The following NCAPD3 variants were observed in gnomAD, a reference collection of about 807,000 sequenced individuals.
NCAPD3 encodes the protein non-SMC condensin II complex subunit D3, also known as condensin-2 complex subunit D3.
Under a neutral mutation model 182.9 loss-of-function variants are expected in NCAPD3, and 105 were observed. The observed-to-expected ratio is 0.57, with a 90% confidence interval of 0.49 to 0.68. The LOEUF is 0.68. Ranked by LOEUF, NCAPD3 falls within the 30% of genes least tolerant of loss-of-function variation. The probability of loss-of-function intolerance (pLI) is 0.00; values close to 1 mark genes in which losing one functional copy is unlikely to be tolerated. For synonymous variants in NCAPD3, 815 were observed against 679.9 expected (o/e 1.20, Z -3.09); for missense variants, 1,944 against 1,837.0 (o/e 1.06, Z -1.07).
Position 134,168,865 on chromosome 11 carries a change from C to T in NCAPD3, c.3239+52G>A, listed in dbSNP as rs966559264. ...GCAAAGAGCCTAACCTCCCCTGATT[C>T]CCCCAGCTCTTACCCAGATACAAGG... On this transcript the variant is annotated intron_variant, in intron 25 of 34. Coordinates refer to ENST00000534548, the MANE Select transcript of NCAPD3 (RefSeq NM_015261.3). 43 of 1,573,042 alleles carry T rather than the reference C, an allele frequency of 2.7e-5. No homozygotes were observed. In the African/African-American group the frequency reaches 5.5e-4, roughly 20 times the overall value.
chr11:134,223,773 C>A, intron 1 of NCAPD3, 90 bp downstream of exon 1: 1 of 1,484,718 alleles, frequency 6.7e-7, no homozygotes, highest in Non-Finnish European at 9.2e-7. Flanking sequence ...CACCCCGCCC[C>A]CACCGGCACC....
intron 24 of NCAPD3, among the ~76,000 whole-genome samples, chr11:134,172,110 A>T (rs1247092843): frequency 6.6e-6 from 1 of 152,114 alleles, no homozygotes; most frequent in Non-Finnish European, 1.5e-5. Context: ...AAGTGCGGAG[A>T]GTGTGGGCTG....
At chr11:134,194,245 G>GTT (rs751821169) in intron 14 of NCAPD3, 95 bp from the exon 15 acceptor site, 192 of 1,334,048 alleles carry the variant, frequency 1.4e-4, no homozygotes, top group Non-Finnish European at 1.8e-4. Context: ...TAAGTTTGTG[G>GTT]TTCTTAACAT....
At chr11:134,167,975 T>A (rs978963841) in intron 27 of NCAPD3, 21 bp downstream of exon 27, 2 of 1,610,736 alleles carry the variant, frequency 1.2e-6, no homozygotes, top group Admixed American at 1.7e-5. Flanking sequence ...GAAGATGATC[T>A]TAGGGGAGCA....
chr11:134,206,554 T>A (rs565219895), intron 8 of NCAPD3, 45 bp downstream of exon 8: 1 of 1,608,960 alleles, frequency 6.2e-7, no homozygotes, highest in South Asian at 1.1e-5. Context: ...CCCAGAGTAC[T>A]GAGGGAGACT....
intron 3 of NCAPD3, among the ~76,000 whole-genome samples, chr11:134,216,292 A>G (rs1027062716): frequency 3.9e-5 from 6 of 152,248 alleles, no homozygotes; most frequent in Admixed American, 2.6e-4. Context: ...ATAAGCAGCA[A>G]GGTGACTGAT....
chr11:134,176,746 G>C (rs1056785799), intron 23 of NCAPD3, among the ~76,000 whole-genome samples: 1 of 152,188 alleles, frequency 6.6e-6, no homozygotes, highest in African/African-American at 2.4e-5. Flanking sequence ...CTCTCAGTGT[G>C]TATAAAAATA....
intron 13 of NCAPD3, among the ~76,000 whole-genome samples, chr11:134,198,607 A>T (rs1944685425): frequency 2.0e-5 from 3 of 152,222 alleles, no homozygotes; most frequent in Admixed American, 2.0e-4. Flanking sequence ...CTTTCTGTCA[A>T]CAAATAGGTA....
intron 16 of NCAPD3, among the ~76,000 whole-genome samples, chr11:134,187,340 TC>T (rs1944430860): frequency 6.6e-6 from 1 of 152,200 alleles, no homozygotes; most frequent in Admixed American, 6.5e-5. Flanking sequence ...CTATTCTTAG[TC>T]CTCTTATCTC....
intron 30 of NCAPD3, 53 bp from the exon 31 acceptor site, chr11:134,158,120 G>A (rs541171565): frequency 6.3e-7 from 1 of 1,590,496 alleles, no homozygotes; most frequent in African/African-American, 1.3e-5. Context: ...CACTGCAGAG[G>A]TGACAGTGCT....
Position 134,217,043 on chromosome 11 carries a change from A to G in NCAPD3, c.275T>C (p.Leu92Ser). 6.2e-7 allele frequency: 1 copy of G among 1,614,032 alleles called. No individual in the cohort carries two copies. Among genetic ancestry groups the G allele is most frequent in the Non-Finnish European group, 8.5e-7 (1 of 1,179,944 alleles). The change falls in exon 3 of 35, where the codon TTG becomes TCG. Residue 92 changes from leucine (L) to serine (S), a missense_variant. Transcript: ENST00000534548. ...AACTATTTGAACAAAATGATAGAAC[A>G]ATGCCACCAGTGTACTATGGGAAAC... is the stretch of plus-strand genomic sequence containing the variant. ...NNVSHSTLVA[L>S]FYHFVQIVHK... is the part of the protein sequence containing the mutation.
At chr11:134,155,962 C>T (rs1057425239) in intron 32 of NCAPD3, among the ~76,000 whole-genome samples, 7 of 152,186 alleles carry the variant, frequency 4.6e-5, no homozygotes, top group Admixed American at 4.6e-4. Context: ...GTGACAGAAC[C>T]AAACAAGCAA....
rs374368027 is a variant in NCAPD3 at position 134,152,938 on chromosome 11, C to T, written c.*6G>A. ...TGCCTGCCTGGACACTGGTGGGAGG[C>T]GCTGTTTAGTTGGCTGTTTTCAGAG... On this transcript the variant is annotated 3_prime_UTR_variant, in exon 35 of 35. Coordinates refer to ENST00000534548, the MANE Select transcript of NCAPD3 (RefSeq NM_015261.3). 6.5e-5 allele frequency: 100 copies of T among 1,535,936 alleles called. No individual in the cohort carries two copies. Among genetic ancestry groups the T allele is most frequent in the African/African-American group, 5.9e-4 (43 of 72,400 alleles).
intron 8 of NCAPD3, among the ~76,000 whole-genome samples, chr11:134,205,673 C>T (rs1011057321): frequency 3.3e-5 from 5 of 152,052 alleles, no homozygotes; most frequent in African/African-American, 9.7e-5. Flanking sequence ...CACCGCGCCC[C>T]GCCTCAAGAA....
chr11:134,192,562 T>C, intron 16 of NCAPD3, 127 bp downstream of exon 16: 1 of 754,596 alleles, frequency 1.3e-6, no homozygotes, highest in Non-Finnish European at 2.1e-6. Context: ...GAGAGACCAA[T>C]ACTTAATCTT....
At position 134,188,648 on chromosome 11, in the gene NCAPD3, G is replaced by A. The variant is rs150536867; in HGVS notation, c.2046-3122C>T. On this transcript the variant is annotated intron_variant, in intron 16 of 34. Coordinates refer to ENST00000534548, the MANE Select transcript of NCAPD3 (RefSeq NM_015261.3). Reference sequence around the variant, plus strand: ...TGTAACACTCACTACGAAGGTCTGCGGCCTCACTCCTGAAGTCAGCGAGAC... The same window carrying A: ...TGTAACACTCACTACGAAGGTCTGCAGCCTCACTCCTGAAGTCAGCGAGAC... Among the ~76,000 whole-genome samples the A allele has an allele frequency of 1.1e-4, 16 of 152,228 alleles. No individual in the cohort carries two copies. In the South Asian group the frequency reaches 2.7e-3, roughly 26 times the overall value.
In NCAPD3 at chr11:134,184,998, T is replaced by A. The variant is rs1258252729; in HGVS notation, c.2240A>T (p.Gln747Leu). 3 of 1,608,516 alleles carry A rather than the reference T, an allele frequency of 1.9e-6. No homozygotes were observed. The Admixed American group carries it at 5.0e-5, about 27-fold the overall frequency. ...TAAGGTGTTTGAATTGGGATTCTGC[T>A]GACTAGAGAAAGGGCAGGAGGAATA... ...IIQSWEKISS[Q>L]QNPNSNTLGH... The change falls in exon 18 of 35, where the codon CAG becomes CTG. Residue 747 changes from glutamine (Q) to leucine (L), a missense_variant and splice_region_variant. Physicochemically the swap from Gln to Leu is moderately radical, Grantham distance 113. Around this residue, in one of 3 missense-constraint regions of NCAPD3, gnomAD observed 1,803 missense variants for 1,674.6 expected, o/e 1.08. Coordinates refer to ENST00000534548, the MANE Select transcript of NCAPD3 (RefSeq NM_015261.3).
chr11:134,185,906 C>CTTTT (rs34931150), intron 16 of NCAPD3: 10 of 138,330 alleles, frequency 7.2e-5, no homozygotes, highest in East Asian at 2.1e-4. Flanking sequence ...TAACATTGTC[C>CTTTT]TTTTTTTTTT....
Position 134,210,506 on chromosome 11 carries a change from A to G in NCAPD3, c.383-52T>C, listed in dbSNP as rs1398658012. The G allele has an allele frequency of 7.4e-6, 11 of 1,487,556 alleles. No homozygotes were observed. In the East Asian group the frequency reaches 1.8e-4, roughly 25 times the overall value. 92.1% of individuals were successfully genotyped at this position (1,487,556 alleles called of 1,614,324 possible). A position where few individuals can be genotyped will look rare whatever the true frequency, so the allele number is the denominator to read the frequency against. ...AAGTTAGATTTAATTGTCTTGAAAT[A>G]TATCTATAACATCAGATGAAAAGTT... On this transcript the variant is annotated intron_variant, in intron 3 of 34. Coordinates refer to ENST00000534548, the MANE Select transcript of NCAPD3 (RefSeq NM_015261.3).
Sources: allele counts gnomAD v4.1 joint callset (sites outside exome capture counted in the v4.1 genomes callset), GRCh38; gene constraint gnomAD v4.1.1; regional missense constraint gnomAD v4.1.1; transcripts MANE v1.5; gene names NCBI Gene and HGNC (gene_info 2026-07-23, HGNC 2026-07-21).